PCNX2: variants seen among roughly 807,000 people sequenced by gnomAD.
The protein encoded by PCNX2 is pecanex 2, also known as pecanex-like protein 2.
A neutral mutation model predicts 223.8 loss-of-function variants in PCNX2; 168 were observed. The ratio of observed to expected loss-of-function variants is 0.75; its 90% CI spans 0.66 to 0.85. PCNX2 has a LOEUF of 0.85. Among genes scored for constraint, PCNX2 ranks in the 40% least tolerant of loss-of-function variants. PCNX2 has a pLI of 0.00. For synonymous variants in PCNX2, 1,006 were observed against 1,052.6 expected (o/e 0.96, Z 0.86); for missense variants, 2,507 against 2,675.5 (o/e 0.94, Z 1.39).
chr1:233,100,846 C>T (rs1674447900), intron 21 of PCNX2, among the ~76,000 whole-genome samples: 1 of 152,236 alleles, frequency 6.6e-6, no homozygotes, highest in African/African-American at 2.4e-5. Flanking sequence ...TCCATCCTTA[C>T]TAATCTCCCA....
At chr1:233,012,326 C>T (rs989158410) in intron 28 of PCNX2, among the ~76,000 whole-genome samples, 1 of 152,132 alleles carries the variant, frequency 6.6e-6, no homozygotes, top group Non-Finnish European at 1.5e-5. Context: ...CCAACCTCCC[C>T]TCCCACTGCA....
intron 13 of PCNX2, among the ~76,000 whole-genome samples, chr1:233,206,926 G>A (rs190396658): frequency 6.8e-4 from 103 of 151,934 alleles, no homozygotes; most frequent in South Asian, 1.0e-3. Flanking sequence ...CTGGAGAATC[G>A]CTTGAATCCA....
At chr1:233,082,983 G>A (rs1327854967) in intron 23 of PCNX2, among the ~76,000 whole-genome samples, 1 of 152,170 alleles carries the variant, frequency 6.6e-6, no homozygotes, top group East Asian at 1.9e-4. Context: ...AGAGTTGAGA[G>A]CGGAAACGTA....
chr1:233,115,651 A>G lies in PCNX2; in HGVS notation c.3837+19362T>C, dbSNP rs549144876. Among the ~76,000 whole-genome samples, 8 of 152,342 alleles carry G rather than the reference A, an allele frequency of 5.3e-5. No homozygotes were observed. In the South Asian group the frequency reaches 1.4e-3, roughly 28 times the overall value. The stretch of plus-strand genomic sequence containing the variant: ...AACTAAAGGGCCAGCAAGCCTCAGA[A>G]TCAGAGTCATATATAACATAGATGT... On this transcript the variant is annotated intron_variant, in intron 21 of 33. Transcript: ENST00000258229.
At chr1:233,324,682 C>G in the PCNX2 span, among the ~76,000 whole-genome samples, 26 of 147,962 alleles carry the variant, frequency 1.8e-4, no homozygotes, top group South Asian at 5.5e-3. Flanking sequence ...CTCACTGCAA[C>G]CTCCACCTCC....
intron 32 of PCNX2, among the ~76,000 whole-genome samples, chr1:232,988,661 A>G (rs1426285424): frequency 5.9e-5 from 9 of 152,158 alleles, no homozygotes; most frequent in Admixed American, 5.9e-4. Flanking sequence ...CTTTGATGTT[A>G]TCTGAACAAT....
intron 8 of PCNX2, among the ~76,000 whole-genome samples, chr1:233,247,163 G>A (rs1356504509): frequency 6.6e-6 from 1 of 152,226 alleles, no homozygotes; most frequent in Non-Finnish European, 1.5e-5. Flanking sequence ...GAATTAAACA[G>A]ATGGTAGTGC....
intron 21 of PCNX2, among the ~76,000 whole-genome samples, chr1:233,110,827 T>C (rs1675070692): frequency 6.7e-6 from 1 of 150,142 alleles, no homozygotes; most frequent in Non-Finnish European, 1.5e-5. Context: ...AAATTTAATA[T>C]ATATTTAAAT....
At chr1:233,227,524 A>T in intron 9 of PCNX2, 153 bp from the exon 10 acceptor site, 4 of 393,876 alleles carry the variant, frequency 1.0e-5, no homozygotes, top group Non-Finnish European at 1.4e-5. Context: ...CTGATATGTA[A>T]ACCAACATAT....
chr1:233,191,589 C>A (rs1680421393), intron 15 of PCNX2, among the ~76,000 whole-genome samples: 1 of 152,094 alleles, frequency 6.6e-6, no homozygotes, highest in Non-Finnish European at 1.5e-5. Context: ...AGTCATAGAC[C>A]CTGAGGAATT....
At chr1:233,131,141 G>C (rs1018126090) in intron 21 of PCNX2, among the ~76,000 whole-genome samples, 8 of 152,328 alleles carry the variant, frequency 5.3e-5, no homozygotes, top group African/African-American at 1.9e-4. Context: ...TGTGAGGGGG[G>C]CTGCCAGGCT....
chr1:233,302,595 A>G, the PCNX2 span, among the ~76,000 whole-genome samples: 3 of 149,606 alleles, frequency 2.0e-5, no homozygotes, highest in Non-Finnish European at 1.5e-5. Flanking sequence ...TACTTTTTCT[A>G]TCTTCTTGAG....
chr1:233,006,703 T>C (rs1670296335), intron 28 of PCNX2, among the ~76,000 whole-genome samples: 1 of 152,150 alleles, frequency 6.6e-6, no homozygotes, highest in Non-Finnish European at 1.5e-5. Flanking sequence ...AATGACTGAT[T>C]TGTTTAGTTA....
intron 23 of PCNX2, among the ~76,000 whole-genome samples, chr1:233,062,883 A>G (rs1017344612): frequency 6.6e-6 from 1 of 152,228 alleles, no homozygotes; most frequent in Non-Finnish European, 1.5e-5. Context: ...TTGAAAACAT[A>G]AATGAAATAG....
the PCNX2 span, among the ~76,000 whole-genome samples, chr1:233,317,922 C>T: frequency 6.6e-6 from 1 of 152,318 alleles, no homozygotes; most frequent in South Asian, 2.1e-4. Context: ...TCCATGTCTT[C>T]CTGCATATGC....
intron 10 of PCNX2, 91 bp from the exon 11 acceptor site, chr1:233,218,275 A>C (rs1229615685): frequency 1.8e-6 from 2 of 1,119,974 alleles, no homozygotes; most frequent in Non-Finnish European, 1.2e-6. Context: ...CTGAGATGGA[A>C]TCTTGCTCTA....
chr1:233,109,498 G>A (rs1558239758), intron 21 of PCNX2, among the ~76,000 whole-genome samples: 1 of 152,176 alleles, frequency 6.6e-6, no homozygotes, highest in South Asian at 2.1e-4. Flanking sequence ...AAAGTCAAGT[G>A]GAAATGATAG....
At position 233,259,035 on chromosome 1, in the gene PCNX2, C is replaced by T. The variant is rs185910231; in HGVS notation, c.827G>A (p.Trp276Ter). Residue 276 changes from tryptophan to a stop codon, truncating the protein, a stop_gained, in exon 5 of 34, where the codon TGG becomes TAG. Transcript: ENST00000258229. LOFTEE classifies it high-confidence loss of function. ...AATCAGGACTGAATTCTCACTCCCC[C>T]ACGGCTGGAAAGAAACGTCTGTTTC... Reference protein sequence around the residue: ...LLETDVSFQPWGSENSVLIPE... With the variant: ...LLETDVSFQP 5 of 1,613,854 alleles carry T rather than the reference C, an allele frequency of 3.1e-6. No homozygotes were observed. The highest frequency in any genetic ancestry group is 2.2e-5 in the South Asian group (2 of 91,078).
At chr1:233,172,532 T>C (rs1017657798) in intron 17 of PCNX2, 58 of 985,250 alleles carry the variant, frequency 5.9e-5, no homozygotes, top group Non-Finnish European at 6.9e-5. Flanking sequence ...AGGATCATCC[T>C]CACTCTGAGA....
Sources: allele counts gnomAD v4.1 joint callset (sites outside exome capture counted in the v4.1 genomes callset), GRCh38; gene constraint gnomAD v4.1.1; transcripts MANE v1.5; gene names NCBI Gene and HGNC (gene_info 2026-07-23, HGNC 2026-07-21).